SCMH1: variants seen among roughly 807,000 people sequenced by gnomAD.
The protein encoded by SCMH1 is polycomb protein SCMH1.
Under a neutral mutation model 70.8 loss-of-function variants are expected in SCMH1, and 37 were observed. The ratio of observed to expected loss-of-function variants is 0.52; its 90% CI spans 0.40 to 0.69. SCMH1 has a LOEUF of 0.69. SCMH1 is among the 30% of genes least tolerant of loss of function. SCMH1 has a pLI of 0.00. For synonymous variants in SCMH1, 292 were observed against 307.4 expected (o/e 0.95, Z 0.52); for missense variants, 607 against 827.3 (o/e 0.73, Z 3.27).
At chr1:41,129,782 TCTA>T (rs1186874800) in intron 6 of SCMH1, among the ~76,000 whole-genome samples, 5 of 152,176 alleles carry the variant, frequency 3.3e-5, no homozygotes, top group African/African-American at 1.2e-4. Flanking sequence ...ATCACAGAAT[TCTA>T]CTTTTACTTT....
At chr1:41,094,216 T>C (rs1664458671) in intron 8 of SCMH1, among the ~76,000 whole-genome samples, 1 of 152,208 alleles carries the variant, frequency 6.6e-6, no homozygotes, top group East Asian at 1.9e-4. Flanking sequence ...TTAAGTGAAC[T>C]TGGCTTATGC....
At chr1:41,169,602 A>C (rs1163243660) in intron 2 of SCMH1, among the ~76,000 whole-genome samples, 1 of 152,196 alleles carries the variant, frequency 6.6e-6, no homozygotes, top group South Asian at 2.1e-4. Flanking sequence ...TTGTGTGGAC[A>C]TACGCCTATC....
chr1:41,170,015 C>G (rs757315219), intron 2 of SCMH1, among the ~76,000 whole-genome samples: 10 of 152,164 alleles, frequency 6.6e-5, no homozygotes, highest in Non-Finnish European at 1.3e-4. Flanking sequence ...AGTTAGAAGC[C>G]AAACAAACAA....
chr1:41,138,142 C>T (rs1299181532), intron 6 of SCMH1, among the ~76,000 whole-genome samples: 1 of 152,116 alleles, frequency 6.6e-6, no homozygotes, highest in East Asian at 1.9e-4. Flanking sequence ...TCAGTATAAC[C>T]TCAATACCTG....
At chr1:41,174,104 A>T (rs1048654048) in intron 2 of SCMH1, among the ~76,000 whole-genome samples, 2 of 152,186 alleles carry the variant, frequency 1.3e-5, no homozygotes, top group African/African-American at 2.4e-5. Context: ...TCCCAACATA[A>T]ATAAATGATA....
intron 1 of SCMH1, among the ~76,000 whole-genome samples, chr1:41,233,589 CT>C (rs1661731752): frequency 1.3e-5 from 2 of 152,166 alleles, no homozygotes; most frequent in Non-Finnish European, 2.9e-5. Flanking sequence ...GCCCACAGAA[CT>C]GATAGACTGA....
intron 1 of SCMH1, among the ~76,000 whole-genome samples, chr1:41,204,516 C>T (rs1381926741): frequency 1.3e-5 from 2 of 152,134 alleles, no homozygotes; most frequent in African/African-American, 4.8e-5. Flanking sequence ...TTGCTTTGCT[C>T]CAGCTATACT....
chr1:41,141,861 A>C (rs1247745310), intron 6 of SCMH1, among the ~76,000 whole-genome samples: 1 of 152,184 alleles, frequency 6.6e-6, no homozygotes, highest in African/African-American at 2.4e-5. Flanking sequence ...ATTTAAACAC[A>C]TTAAAATATT....
At chr1:41,087,877 T>G (rs1445094586) in intron 8 of SCMH1, among the ~76,000 whole-genome samples, 1 of 151,526 alleles carries the variant, frequency 6.6e-6, no homozygotes, top group East Asian at 1.9e-4. Context: ...ACATATACAG[T>G]ATTACATATT....
In SCMH1 at chr1:41,113,296, A is replaced by C; in HGVS notation, c.732T>G (p.Pro244=). 1 of 1,613,464 alleles carries C rather than the reference A, an allele frequency of 6.2e-7. No homozygotes were observed. Among genetic ancestry groups the C allele is most frequent in the African/African-American group, 1.3e-5 (1 of 74,902 alleles). Residue 244 remains proline, a synonymous_variant, in exon 8 of 15, where the codon CCT becomes CCG. Transcript: ENST00000337495. The surrounding 1 kb of genome is among the most constrained non-coding windows in gnomAD (Gnocchi z 4.3). ...ATGGGCCTTTACCTTTGGTGCCAGGAGGCTGCAGGTTGTCTCCAGTCAAGG... is the reference window on the plus strand; with the variant it reads ...ATGGGCCTTTACCTTTGGTGCCAGGCGGCTGCAGGTTGTCTCCAGTCAAGG...
intron 1 of SCMH1, among the ~76,000 whole-genome samples, chr1:41,230,466 C>T (rs1661087820): frequency 6.6e-6 from 1 of 151,986 alleles, no homozygotes; most frequent in Non-Finnish European, 1.5e-5. Flanking sequence ...CTAGCTTGGG[C>T]AAGATGGCAA....
intron 12 of SCMH1, among the ~76,000 whole-genome samples, chr1:41,045,331 A>T (rs564868294): frequency 1.1e-3 from 162 of 152,316 alleles, no homozygotes; most frequent in African/African-American, 3.7e-3. Context: ...TGGCCCCCAC[A>T]GAGTATTTAA....
intron 5 of SCMH1, among the ~76,000 whole-genome samples, chr1:41,151,082 C>G (rs1402073742): frequency 6.6e-6 from 1 of 152,050 alleles, no homozygotes; most frequent in Non-Finnish European, 1.5e-5. Flanking sequence ...CCAAACACTT[C>G]TTTGCTTATC....
rs488018 is a variant in SCMH1, at chr1:41,113,355, C to T, written c.673G>A (p.Asp225Asn). 7 of 1,613,792 alleles carry T rather than the reference C, an allele frequency of 4.3e-6. No homozygotes were observed. The highest frequency in any genetic ancestry group is 1.7e-5 in the Admixed American group (1 of 59,972). The change falls in exon 8 of 15, where the codon GAC (aspartate) becomes AAC (asparagine). Residue 225 changes from aspartate to asparagine, a missense_variant. By Grantham distance (23) the Asp-to-Asn change is conservative. Transcript: ENST00000337495. The surrounding 1 kb of genome is among the most constrained non-coding windows in gnomAD (Gnocchi z 4.3). ...CCCACAGGGAAGATGTCTCGGGAGT[C>T]GAAGCGGCACCAGTAGTCAAAGGCC...
intron 5 of SCMH1, among the ~76,000 whole-genome samples, chr1:41,146,082 T>C (rs182596317): frequency 7.9e-4 from 121 of 152,282 alleles, no homozygotes; most frequent in South Asian, 4.3e-3. Context: ...TACAGCTCCA[T>C]CCATGCATGT....
intron 13 of SCMH1, among the ~76,000 whole-genome samples, chr1:41,031,311 A>C (rs1218874109): frequency 1.3e-5 from 2 of 151,686 alleles, no homozygotes; most frequent in Non-Finnish European, 2.9e-5. Flanking sequence ...ATAAACAAAC[A>C]ACCACCCCCC....
At chr1:41,045,012 C>T (rs556189887) in intron 12 of SCMH1, among the ~76,000 whole-genome samples, 4 of 152,288 alleles carry the variant, frequency 2.6e-5, no homozygotes, top group Admixed American at 1.3e-4. Flanking sequence ...GATGTGCTAA[C>T]CCCCATTCAT....
At chr1:41,027,724 G>A (rs940307007) in exon 15 of SCMH1, 1 of 156,256 alleles carries the variant, frequency 6.4e-6, no homozygotes, top group Non-Finnish European at 1.4e-5. Flanking sequence ...TTGCCCAAGT[G>A]CCAGAAACAA....
chr1:41,145,321 G>T (rs2148256888), intron 5 of SCMH1, among the ~76,000 whole-genome samples: 1 of 152,118 alleles, frequency 6.6e-6, no homozygotes, highest in African/African-American at 2.4e-5. Context: ...ACCAGTTGTT[G>T]AAAAACCCAC....
Sources: allele counts gnomAD v4.1 joint callset (sites outside exome capture counted in the v4.1 genomes callset), GRCh38; gene constraint gnomAD v4.1.1; non-coding constraint Gnocchi (gnomAD v3.1); transcripts MANE v1.5; gene names NCBI Gene and HGNC (gene_info 2026-07-23, HGNC 2026-07-21).